The following DOCK4 variants were observed in gnomAD, a reference collection of about 807,000 sequenced individuals.
DOCK4 encodes the protein dedicator of cytokinesis protein 4.
Under a neutral mutation model 268.1 loss-of-function variants are expected in DOCK4, and 97 were observed. The observed-to-expected ratio is 0.36, with a 90% CI of 0.31 to 0.43. DOCK4 has a LOEUF of 0.43. Among genes scored for constraint, DOCK4 ranks in the 20% least tolerant of loss-of-function variants. The pLI is 1.00. For synonymous variants in DOCK4, 954 were observed against 887.2 expected (o/e 1.08, Z -1.34); for missense variants, 2,145 against 2,455.7 (o/e 0.87, Z 2.67).
chr7:111,989,294 G>C (rs936752579), intron 5 of DOCK4, 131 bp from the exon 6 acceptor site: 11 of 1,222,140 alleles, frequency 9.0e-6, no homozygotes, highest in Admixed American at 7.1e-5. Context: ...AGATGTCCGT[G>C]AACAGACAAA....
intron 1 of DOCK4, among the ~76,000 whole-genome samples, chr7:112,066,752 G>A (rs1262135652): frequency 1.3e-5 from 1 of 76,416 alleles, no homozygotes; most frequent in African/African-American, 5.2e-5. Context: ...TCTCCTATTG[G>A]CTCTGTGTCT....
intron 16 of DOCK4, among the ~76,000 whole-genome samples, chr7:111,885,558 T>G (rs1425060709): frequency 6.6e-6 from 1 of 152,178 alleles, no homozygotes; most frequent in East Asian, 1.9e-4. Flanking sequence ...GAAGAATTAA[T>G]GAAGCCATTT....
chr7:111,838,930 A>C (rs1803456695), intron 25 of DOCK4, among the ~76,000 whole-genome samples: 2 of 152,248 alleles, frequency 1.3e-5, no homozygotes, highest in Admixed American at 6.5e-5. Context: ...GAATGGCACT[A>C]TGTGTAAATT....
intron 1 of DOCK4, among the ~76,000 whole-genome samples, chr7:112,063,390 A>G (rs1806619410): frequency 6.6e-6 from 1 of 152,186 alleles, no homozygotes. Context: ...TGTAAGCCCA[A>G]ATGCATTTAA....
At chr7:111,869,466 A>T (rs1179121552) in intron 21 of DOCK4, 108 bp downstream of exon 21, 5 of 939,884 alleles carry the variant, frequency 5.3e-6, no homozygotes, top group African/African-American at 1.6e-5. Context: ...TTGGAATGTC[A>T]GTAATACATC....
chr7:111,903,147 C>T (rs1043096868), intron 13 of DOCK4, among the ~76,000 whole-genome samples: 3 of 152,178 alleles, frequency 2.0e-5, no homozygotes, highest in Admixed American at 2.0e-4. Flanking sequence ...CCTAGTTCCT[C>T]AATACCATGG....
intron 1 of DOCK4, among the ~76,000 whole-genome samples, chr7:112,099,360 T>C (rs1810462722): frequency 6.8e-6 from 1 of 147,764 alleles, no homozygotes; most frequent in Non-Finnish European, 1.5e-5. Flanking sequence ...CCAAACCTGA[T>C]AACCATATCT....
rs1221626143 is a variant in DOCK4, at chr7:112,066,670, CAT to C, written c.38-62541_38-62540del. ...CATATATACACATATTATACATATA[CAT>C]ATACATATATACATATACATATATA... On this transcript the variant is annotated intron_variant, in intron 1 of 52. Coordinates refer to ENST00000428084, the MANE Select transcript of DOCK4 (RefSeq NM_001363540.2). Among the ~76,000 whole-genome samples, 17 of 51,680 alleles carry C rather than the reference CAT, an allele frequency of 3.3e-4. 1 individual carries two copies. The highest frequency in any genetic ancestry group is 0.014 in the Middle Eastern group (1 of 74). The allele number at this position is 51,680 out of a possible 152,430, so 33.9% of individuals were successfully genotyped here. A position where few individuals can be genotyped will look rare whatever the true frequency, so the allele number is the denominator to read the frequency against.
At chr7:111,877,736 C>T (rs988599044) in intron 16 of DOCK4, among the ~76,000 whole-genome samples, 7 of 152,116 alleles carry the variant, frequency 4.6e-5, no homozygotes, top group African/African-American at 1.7e-4. Flanking sequence ...TAGAAAACGC[C>T]AGCTAACACA....
At chr7:112,025,037 TG>T (rs112924816) in intron 1 of DOCK4, among the ~76,000 whole-genome samples, 13,169 of 152,216 alleles carry the variant, frequency 0.087, 686 homozygotes, top group African/African-American at 0.15. Flanking sequence ...ATAACACAGC[TG>T]GGTCATTGAG....
chr7:111,868,688 C>A (rs1411518239), intron 21 of DOCK4, among the ~76,000 whole-genome samples: 2 of 147,742 alleles, frequency 1.4e-5, no homozygotes, highest in African/African-American at 5.0e-5. Context: ...CCAGCCTGGC[C>A]AACAAGAGCA....
At chr7:111,919,155 A>G (rs546435970) in intron 12 of DOCK4, among the ~76,000 whole-genome samples, 1 of 152,322 alleles carries the variant, frequency 6.6e-6, no homozygotes, top group South Asian at 2.1e-4. Context: ...AAACAAACAA[A>G]AAAACATAAG....
Position 111,984,369 on chromosome 7 carries a change from C to T in DOCK4, c.486G>A (p.Val162=). Residue 162 remains valine, a synonymous_variant, in exon 7 of 53, where the codon GTG becomes GTA. Coordinates refer to ENST00000428084, the MANE Select transcript of DOCK4 (RefSeq NM_001363540.2). Reference sequence around the variant, plus strand: ...CCACCATTGCGTACTCTTTCCTAGGCACCAGGTCCAGTCCCAGTTGTCTAG... The same window carrying T: ...CCACCATTGCGTACTCTTTCCTAGGTACCAGGTCCAGTCCCAGTTGTCTAG... ...WGNEQLGLDL[V]PRKEYAMVDP... 1 of 1,613,282 alleles carries T rather than the reference C, an allele frequency of 6.2e-7. No homozygotes were observed. Among genetic ancestry groups the T allele is most frequent in the South Asian group, 1.1e-5 (1 of 90,880 alleles).
chr7:112,088,493 G>A (rs1809327518), intron 1 of DOCK4, among the ~76,000 whole-genome samples: 2 of 152,184 alleles, frequency 1.3e-5, no homozygotes, highest in Non-Finnish European at 2.9e-5. Context: ...ACTCCTAAGT[G>A]AAAATTTCTG....
Position 111,915,810 on chromosome 7 carries a change from C to G in DOCK4, c.1161G>C (p.Arg387Ser). Residue 387 changes from arginine to serine, a missense_variant, in exon 13 of 53, where the codon AGG (arginine) becomes AGC (serine). Coordinates refer to ENST00000428084, the MANE Select transcript of DOCK4 (RefSeq NM_001363540.2). ...TAATAATATTTGAAAATCCCAGCTT[C>G]CTTGTTATGGATACTCCATGAGAAA... ...SVFSHGVSIT[R>S]KLGFSNIIMP... 1 of 1,613,192 alleles carries G rather than the reference C, an allele frequency of 6.2e-7. No individual in the cohort carries two copies.
chr7:111,852,966 A>G (rs1804701837), intron 23 of DOCK4, among the ~76,000 whole-genome samples: 1 of 152,174 alleles, frequency 6.6e-6, no homozygotes, highest in South Asian at 2.1e-4. Context: ...TCTCCTTGAG[A>G]GGGCCGATAC....
At position 111,870,964 on chromosome 7, in the gene DOCK4, T is replaced by C. The variant is rs561756750; in HGVS notation, c.2027+1026A>G. Among the ~76,000 whole-genome samples the C allele has an allele frequency of 1.0e-3, 153 of 152,332 alleles. 1 individual carries two copies. Among genetic ancestry groups the C allele is most frequent in the Admixed American group, 9.9e-3 (152 of 15,300 alleles). On this transcript the variant is annotated intron_variant, in intron 20 of 52. Transcript: ENST00000428084. ...CTATTCCTGCGGTTGCATTTCACTC[T>C]CAGCAAAAAATCACACTGATGAAGT... is the stretch of plus-strand genomic sequence containing the variant.
At chr7:111,922,049 G>A (rs1206190965) in intron 12 of DOCK4, among the ~76,000 whole-genome samples, 4 of 152,140 alleles carry the variant, frequency 2.6e-5, no homozygotes, top group African/African-American at 7.2e-5. Flanking sequence ...ACAAATAGAC[G>A]ATAAGTACAA....
intron 6 of DOCK4, among the ~76,000 whole-genome samples, chr7:111,986,508 C>T (rs1312322147): frequency 1.3e-5 from 2 of 152,056 alleles, no homozygotes; most frequent in African/African-American, 4.8e-5. Flanking sequence ...CAAGGAAGTG[C>T]CTTACAAAGA....
Sources: allele counts gnomAD v4.1 joint callset (sites outside exome capture counted in the v4.1 genomes callset), GRCh38; gene constraint gnomAD v4.1.1; transcripts MANE v1.5; gene names NCBI Gene and HGNC (gene_info 2026-07-23, HGNC 2026-07-21).